The following LETMD1 variants were observed in gnomAD, a reference collection of about 807,000 sequenced individuals.
LETMD1 encodes the protein LETM1 domain-containing protein 1.
In LETMD1, 30 loss-of-function variants were observed where a neutral mutation model predicts 43.9. That is an observed-to-expected ratio of 0.68 (90% CI 0.51 to 0.93). LETMD1 has a LOEUF of 0.93. LETMD1 is among the 40% of genes least tolerant of loss of function. The pLI, the probability that LETMD1 is intolerant of heterozygous loss-of-function variation, is 0.00. For missense variants in LETMD1, 413 were observed against 447.7 expected (o/e 0.92, Z 0.70); for synonymous variants, 176 against 163.1 (o/e 1.08, Z -0.60).
At chr12:51,054,739 A>G (rs1282642727) in intron 4 of LETMD1, among the ~76,000 whole-genome samples, 1 of 152,242 alleles carries the variant, frequency 6.6e-6, no homozygotes, top group East Asian at 1.9e-4. Flanking sequence ...TCAGCTCTCC[A>G]TGAGACAAGT....
intron 3 of LETMD1, chr12:51,052,468 T>C (rs940626452): frequency 6.9e-6 from 3 of 432,674 alleles, no homozygotes; most frequent in Non-Finnish European, 1.2e-5. Context: ...TAAAATCTAA[T>C]TAGTTTCTGA....
intron 1 of LETMD1, 44 bp downstream of exon 1, chr12:51,048,522 C>T (rs1944990030): frequency 6.2e-7 from 1 of 1,604,794 alleles, no homozygotes. Context: ...CGTCCAGGCT[C>T]TTTCAGTGTC....
intron 4 of LETMD1, among the ~76,000 whole-genome samples, chr12:51,055,012 A>G (rs930310854): frequency 1.3e-5 from 2 of 152,078 alleles, no homozygotes; most frequent in African/African-American, 4.8e-5. Flanking sequence ...AGGCAGTAGA[A>G]TCGCATGAAC....
downstream of LETMD1, among the ~76,000 whole-genome samples, chr12:51,065,385 A>G (rs755512226): frequency 6.6e-6 from 1 of 152,228 alleles, no homozygotes; most frequent in Non-Finnish European, 1.5e-5. Flanking sequence ...GGAAAAACAC[A>G]TAAACCAAAA....
At chr12:51,061,980 A>G (rs1948845527), downstream of LETMD1, 1 of 152,256 alleles carries the variant, frequency 6.6e-6, no homozygotes, top group South Asian at 2.1e-4. Flanking sequence ...AAGACTCTCA[A>G]CTGTGTTTTG....
chr12:51,067,991 T>C, the LETMD1 span: 1 of 1,607,466 alleles, frequency 6.2e-7, no homozygotes, highest in Non-Finnish European at 8.5e-7. This position sits in a 1 kb window ranked among gnomAD's most constrained non-coding sequence, Gnocchi z 4.1. Context: ...CAGGAAAGGT[T>C]AGCCTCATAG....
intron 2 of LETMD1, among the ~76,000 whole-genome samples, chr12:51,050,261 C>T (rs1441073502): frequency 6.9e-6 from 1 of 145,666 alleles, no homozygotes. Context: ...CTCACCGTGT[C>T]GCCCAGGCTG....
intron 1 of LETMD1, 172 bp downstream of exon 1, chr12:51,048,650 C>T (rs182109851): frequency 3.9e-6 from 3 of 768,286 alleles, no homozygotes; most frequent in African/African-American, 3.5e-5. Flanking sequence ...GGCTTCCTGA[C>T]CCTCTGTACT....
At chr12:51,050,228 A>G (rs1263147299) in intron 2 of LETMD1, among the ~76,000 whole-genome samples, 4 of 133,876 alleles carry the variant, frequency 3.0e-5, no homozygotes, top group Admixed American at 2.3e-4. Flanking sequence ...ACTTTTTATT[A>G]TGAATTTTTT....
At chr12:51,050,620 C>G (rs1945799410) in intron 2 of LETMD1, among the ~76,000 whole-genome samples, 1 of 152,036 alleles carries the variant, frequency 6.6e-6, no homozygotes, top group Non-Finnish European at 1.5e-5. Flanking sequence ...TCATGGCTGC[C>G]AATCCTATTT....
chr12:51,056,187 TGA>T lies in LETMD1; in HGVS notation c.710_711del (p.Glu237ValfsTer4), dbSNP rs1479399434. 1 of 1,614,268 alleles carries T rather than the reference TGA, an allele frequency of 6.2e-7. No individual in the cohort carries two copies. The highest frequency in any genetic ancestry group is 2.2e-5 in the East Asian group (1 of 44,890). On this transcript the variant is annotated frameshift_variant, in exon 6 of 9. Transcript: ENST00000262055. LOFTEE classifies it high-confidence loss of function. ...CCAGCAATACATGATATCTTGGCTC[TGA>T]GAGAGTGTTTCTCTAACCATCCTCT...
downstream of LETMD1, chr12:51,062,438 T>C (rs76827732): frequency 6.6e-6 from 1 of 152,216 alleles, no homozygotes; most frequent in African/African-American, 2.4e-5. Flanking sequence ...ATGGAGATCT[T>C]AGAACACAGG....
chr12:51,063,559 G>A, downstream of LETMD1: 1 of 481,914 alleles, frequency 2.1e-6, no homozygotes, highest in Non-Finnish European at 3.6e-6. Flanking sequence ...TCAAGGTAGG[G>A]CTGGTCTCCT....
At chr12:51,059,179 A>G (rs1039985054) in intron 8 of LETMD1, 182 bp from the exon 9 acceptor site, 23 of 587,426 alleles carry the variant, frequency 3.9e-5, no homozygotes, top group Non-Finnish European at 2.8e-5. Context: ...ACGAATATAT[A>G]GTAGAAGGAA....
the LETMD1 span, among the ~76,000 whole-genome samples, chr12:51,065,989 T>G: frequency 6.6e-6 from 1 of 152,198 alleles, no homozygotes; most frequent in Non-Finnish European, 1.5e-5. Flanking sequence ...TATTGCTGTT[T>G]TCAACTGAAA....
In LETMD1 at chr12:51,058,065, A is replaced by G. The variant is rs753014907; in HGVS notation, c.949A>G (p.Ile317Val). 5.0e-6 allele frequency: 8 copies of G among 1,613,742 alleles called. No individual in the cohort carries two copies. The South Asian group carries it at 5.5e-5, about 11-fold the overall frequency. ...TCTCCGTGGCCTGAATTCTACGCAT[A>G]TTGGTGAAGATAGGTGTCGAACTTG... ...CYLRGLNSTH[I>V]GEDRCRTWLG... Residue 317 changes from isoleucine (I) to valine (V), a missense_variant, in exon 8 of 9, where the codon ATT (isoleucine) becomes GTT (valine). Transcript: ENST00000262055.
At chr12:51,058,394 G>A (rs1948333187) in intron 8 of LETMD1, 1 of 461,594 alleles carries the variant, frequency 2.2e-6, no homozygotes, top group East Asian at 3.9e-5. Context: ...CCTTATGGGG[G>A]GAATATCCTG....
Position 51,059,517 on chromosome 12 carries a change from T to C in LETMD1, c.*86T>C, listed in dbSNP as rs774700414. ...ACAGCACTTGCCAGCAAAGTCTGTG[T>C]GTACTGTTAAGTGTGTGGGAGGCAG... On this transcript the variant is annotated 3_prime_UTR_variant, in exon 9 of 9. Transcript: ENST00000262055. 3 of 1,208,132 alleles carry C rather than the reference T, an allele frequency of 2.5e-6. No individual in the cohort carries two copies. The Admixed American group carries it at 5.2e-5, about 21-fold the overall frequency. 74.8% of individuals were successfully genotyped at this position (1,208,132 alleles called of 1,614,324 possible). A position where few individuals can be genotyped will look rare whatever the true frequency, so the allele number is the denominator to read the frequency against.
chr12:51,063,412 G>A (rs1684964648), downstream of LETMD1: 1 of 175,408 alleles, frequency 5.7e-6, no homozygotes, highest in African/African-American at 2.4e-5. Flanking sequence ...AAATTCTCGT[G>A]TTCTGGTCCC....
Sources: allele counts gnomAD v4.1 joint callset (sites outside exome capture counted in the v4.1 genomes callset), GRCh38; gene constraint gnomAD v4.1.1; non-coding constraint Gnocchi (gnomAD v3.1); transcripts MANE v1.5; gene names NCBI Gene and HGNC (gene_info 2026-07-23, HGNC 2026-07-21).